CAMK1D: variants seen among roughly 807,000 people sequenced by gnomAD.
The protein encoded by CAMK1D is calcium/calmodulin dependent protein kinase ID.
Under a neutral mutation model 47.7 loss-of-function variants are expected in CAMK1D, and 9 were observed. The ratio of observed to expected loss-of-function variants is 0.19; its 90% CI spans 0.11 to 0.33. The LOEUF (loss-of-function observed/expected upper bound fraction) is 0.33. Ranked by LOEUF, CAMK1D falls within the 10% of genes least tolerant of loss-of-function variation. The pLI, the probability that CAMK1D is intolerant of heterozygous loss-of-function variation, is 1.00. For synonymous variants in CAMK1D, 184 were observed against 184.9 expected (o/e 0.99, Z 0.04); for missense variants, 291 against 488.7 (o/e 0.60, Z 3.81).
chr10:12,672,641 G>T (rs1400509331), intron 3 of CAMK1D, among the ~76,000 whole-genome samples: 2 of 152,068 alleles, frequency 1.3e-5, no homozygotes, highest in Non-Finnish European at 2.9e-5. Context: ...AAGGTGCTGG[G>T]ATTACAGACG....
At chr10:12,360,980 G>A (rs1489238324) in intron 1 of CAMK1D, among the ~76,000 whole-genome samples, 9 of 152,166 alleles carry the variant, frequency 5.9e-5, no homozygotes, top group Non-Finnish European at 8.8e-5. Context: ...TTCCACTTCT[G>A]TAAGAAAATA....
intron 3 of CAMK1D, among the ~76,000 whole-genome samples, chr10:12,719,910 G>T (rs1008678253): frequency 6.6e-6 from 1 of 152,210 alleles, no homozygotes; most frequent in African/African-American, 2.4e-5. Flanking sequence ...GAGCAATCCA[G>T]CTCGAGTTTT....
chr10:12,485,912 T>C lies in CAMK1D; in HGVS notation c.93-67313T>C, dbSNP rs148963380. On this transcript the variant is annotated intron_variant, in intron 1 of 10. Coordinates refer to ENST00000619168, the MANE Select transcript of CAMK1D (RefSeq NM_153498.4). ...CCAAATTCAGCCCAGAGTGAGTCTT[T>C]GGTGTCCATCCCAGGCTCTGGCTAC... Among the ~76,000 whole-genome samples, 6 of 152,290 alleles carry C rather than the reference T, an allele frequency of 3.9e-5. No individual in the cohort carries two copies. In the East Asian group the frequency reaches 1.2e-3, roughly 29 times the overall value.
At chr10:12,637,475 A>C (rs755589566) in intron 2 of CAMK1D, among the ~76,000 whole-genome samples, 2 of 152,100 alleles carry the variant, frequency 1.3e-5, no homozygotes, top group Admixed American at 6.5e-5. Context: ...AAACGCATGG[A>C]CGTATGACAT....
intron 2 of CAMK1D, among the ~76,000 whole-genome samples, chr10:12,570,909 T>C (rs113806350): frequency 0.12 from 18,182 of 151,858 alleles, 3,453 homozygotes; most frequent in African/African-American, 0.4. Context: ...CGAGATTGCG[T>C]CACTGCACTC....
chr10:12,688,539 ACTC>A (rs1004724424), intron 3 of CAMK1D, among the ~76,000 whole-genome samples: 6 of 151,534 alleles, frequency 4.0e-5, no homozygotes, highest in Non-Finnish European at 8.8e-5. Flanking sequence ...TGCAGAGAAA[ACTC>A]CTTGTGAACC....
chr10:12,685,237 G>T (rs1476085877), intron 3 of CAMK1D, among the ~76,000 whole-genome samples: 2 of 152,200 alleles, frequency 1.3e-5, no homozygotes, highest in Non-Finnish European at 2.9e-5. Context: ...AGAGGCGGAG[G>T]TTGCAGTGAG....
intron 1 of CAMK1D, among the ~76,000 whole-genome samples, chr10:12,415,726 C>T (rs926548212): frequency 6.0e-5 from 9 of 150,060 alleles, no homozygotes; most frequent in East Asian, 1.9e-4. Context: ...CACTTCCCTA[C>T]GGAAGTGGAT....
intron 1 of CAMK1D, among the ~76,000 whole-genome samples, chr10:12,452,160 G>A (rs1002145494): frequency 2.6e-5 from 4 of 152,120 alleles, no homozygotes; most frequent in Admixed American, 2.0e-4. Context: ...TGAGAGCAGC[G>A]TATGGAACCC....
intron 1 of CAMK1D, among the ~76,000 whole-genome samples, chr10:12,380,624 A>C (rs190010488): frequency 1.1e-4 from 17 of 152,218 alleles, no homozygotes; most frequent in African/African-American, 3.6e-4. Flanking sequence ...TTGGGAGGCC[A>C]AGGCGGGCGG....
chr10:12,372,484 C>A (rs1399083437), intron 1 of CAMK1D, among the ~76,000 whole-genome samples: 1 of 152,212 alleles, frequency 6.6e-6, no homozygotes, highest in African/African-American at 2.4e-5. Flanking sequence ...CCTGGTTGGT[C>A]AGTTTTGCCC....
chr10:12,523,294 C>G (rs1376500483), intron 1 of CAMK1D, among the ~76,000 whole-genome samples: 1 of 151,370 alleles, frequency 6.6e-6, no homozygotes, highest in African/African-American at 2.4e-5. Flanking sequence ...CCTCACTTCT[C>G]AGACGATGGG....
rs1833414819 is a variant in CAMK1D, at chr10:12,831,283, C to T, written c.*2396C>T. On this transcript the variant is annotated 3_prime_UTR_variant, in exon 11 of 11. Coordinates refer to ENST00000619168, the MANE Select transcript of CAMK1D (RefSeq NM_153498.4). ...GCAGTATTGGAGAACTAGGCGGTTG[C>T]TTACTAAGAAGTGTCTTGGAAACAT... The T allele has an allele frequency of 6.6e-6, 1 of 152,170 alleles. No homozygotes were observed. Among genetic ancestry groups the T allele is most frequent in the African/African-American group, 2.4e-5 (1 of 41,424 alleles). The allele number at this position is 152,170 out of a possible 1,614,324, so 9.4% of individuals were successfully genotyped here.
At chr10:12,817,160 G>A (rs1454373383) in intron 8 of CAMK1D, among the ~76,000 whole-genome samples, 2 of 152,172 alleles carry the variant, frequency 1.3e-5, no homozygotes, top group African/African-American at 4.8e-5. Context: ...CTCCCACCAG[G>A]TCCCTCCCAC....
At chr10:12,787,548 G>A (rs939893852) in intron 5 of CAMK1D, among the ~76,000 whole-genome samples, 2 of 152,208 alleles carry the variant, frequency 1.3e-5, no homozygotes, top group Non-Finnish European at 2.9e-5. Flanking sequence ...TTGTATTCCT[G>A]CTGTCTTCCT....
At chr10:12,574,383 C>T (rs1837424894) in intron 2 of CAMK1D, among the ~76,000 whole-genome samples, 1 of 151,500 alleles carries the variant, frequency 6.6e-6, no homozygotes, top group Admixed American at 6.6e-5. Flanking sequence ...CTCACTGCAA[C>T]CTCTGCTTCC....
At position 12,544,449 on chromosome 10, in the gene CAMK1D, A is replaced by G. The variant is rs935296818; in HGVS notation, c.93-8776A>G. On this transcript the variant is annotated intron_variant, in intron 1 of 10. Coordinates refer to ENST00000619168, the MANE Select transcript of CAMK1D (RefSeq NM_153498.4). ...TTATTCAACAAGGATGAAGGTTTAT[A>G]GGGAGAAAATATCATAAATTAACAA... Among the ~76,000 whole-genome samples the G allele has an allele frequency of 5.9e-5, 9 of 152,360 alleles. No homozygotes were observed. In the East Asian group the frequency reaches 1.3e-3, roughly 23 times the overall value.
Position 12,791,766 on chromosome 10 carries a change from C to T in CAMK1D, c.641+533C>T, listed in dbSNP as rs183769561. ...GGTTGTTTCCACCTTTTGAGTAATG[C>T]TGCTGTGAACACAAGTGTAGAAATA... On this transcript the variant is annotated intron_variant, in intron 6 of 10. Transcript: ENST00000619168. 2.0e-5 allele frequency among the ~76,000 whole-genome samples: 3 copies of T among 152,314 alleles called. No individual in the cohort carries two copies. In the East Asian group the frequency reaches 5.8e-4, roughly 29 times the overall value.
intron 3 of CAMK1D, among the ~76,000 whole-genome samples, chr10:12,745,318 C>T (rs1835620504): frequency 6.6e-6 from 1 of 152,220 alleles, no homozygotes; most frequent in Non-Finnish European, 1.5e-5. Flanking sequence ...GTGTGAGCCA[C>T]CGTGCCCAGC....
Sources: gnomAD v4.1 joint callset for allele counts (sites outside exome capture counted in the v4.1 genomes callset) on GRCh38, gnomAD v4.1.1 for gene constraint, MANE v1.5 for transcripts, NCBI Gene and HGNC (gene_info 2026-07-23, HGNC 2026-07-21) for gene names.